Variants in PEMT observed in about 807,000 individuals in gnomAD.
PEMT encodes the protein phospholipid methyltransferase.
PEMT carries 23 observed loss-of-function variants against 27.4 expected under a neutral mutation model. The observed-to-expected ratio is 0.84, with a 90% confidence interval of 0.60 to 1.19. PEMT has a LOEUF of 1.19. Among genes scored for constraint, PEMT ranks in the 50% most tolerant of loss-of-function variants. The pLI, the probability that PEMT is intolerant of heterozygous loss-of-function variation, is 0.00. For synonymous variants in PEMT, 137 were observed against 139.1 expected, an observed-to-expected ratio of 0.98 and a Z score of 0.11; for missense variants, 307 against 310.1, an observed-to-expected ratio of 0.99 and a Z score of 0.07.
At chr17:17,545,580 C>T (rs2142620715) in intron 2 of PEMT, among the ~76,000 whole-genome samples, 1 of 152,378 alleles carries the variant, frequency 6.6e-6, no homozygotes, top group Middle Eastern at 3.4e-3. Context: ...TCAACTCCTA[C>T]ACCAGAGACG....
At chr17:17,515,019 C>A (rs1050991199) in intron 3 of PEMT, among the ~76,000 whole-genome samples, 5 of 152,198 alleles carry the variant, frequency 3.3e-5, no homozygotes, top group African/African-American at 1.2e-4. Context: ...ATGCACTCTG[C>A]CTGCTGTGGA....
chr17:17,537,729 G>C (rs865907155), intron 2 of PEMT, among the ~76,000 whole-genome samples: 1 of 152,256 alleles, frequency 6.6e-6, no homozygotes, highest in African/African-American at 2.4e-5. Context: ...CTGAGACTGG[G>C]AGAGACAGAC....
At chr17:17,570,784 T>A in intron 2 of PEMT, 1 of 985,418 alleles carries the variant, frequency 1.0e-6, no homozygotes, top group Non-Finnish European at 1.2e-6. Flanking sequence ...GTGGGGAGAC[T>A]GGCTGCAAGC....
chr17:17,536,548 A>G (rs910449330), intron 2 of PEMT, among the ~76,000 whole-genome samples: 3 of 152,120 alleles, frequency 2.0e-5, no homozygotes, highest in Non-Finnish European at 4.4e-5. Flanking sequence ...GTTGCTTGTT[A>G]CCTCTATCAA....
rs144055617 is a variant in PEMT at position 17,562,773 on chromosome 17, C to T, written c.204+14147G>A. Among the ~76,000 whole-genome samples, 411 of 152,176 alleles carry T rather than the reference C, an allele frequency of 2.7e-3. 1 individual carries two copies. Among genetic ancestry groups the T allele is most frequent in the Non-Finnish European group, 3.5e-3 (239 of 67,992 alleles). ...GCAGTGAGTGGAGATCGCACCACTG[C>T]ACTCCAGCCTGGGTGACAGAGCAAG... On this transcript the variant is annotated intron_variant, in intron 2 of 6. Transcript: ENST00000255389.
chr17:17,550,343 C>T (rs982763053), intron 2 of PEMT, among the ~76,000 whole-genome samples: 1 of 152,200 alleles, frequency 6.6e-6, no homozygotes, highest in Non-Finnish European at 1.5e-5. Flanking sequence ...CCGATTAGGT[C>T]GAATTTGAAA....
At chr17:17,507,570 G>A (rs1905976794) in intron 5 of PEMT, 1 of 259,604 alleles carries the variant, frequency 3.9e-6, no homozygotes, top group Non-Finnish European at 7.5e-6. Context: ...CCCCACTGTG[G>A]GCGCCGAGGG....
intron 2 of PEMT, among the ~76,000 whole-genome samples, chr17:17,531,757 C>A (rs11078388): frequency 2.6e-4 from 40 of 150,994 alleles, no homozygotes; most frequent in Admixed American, 1.8e-3. Context: ...ATATATAAAG[C>A]CTTCTAAAAC....
intron 3 of PEMT, among the ~76,000 whole-genome samples, chr17:17,514,342 G>C (rs904578522): frequency 2.0e-5 from 3 of 152,256 alleles, no homozygotes; most frequent in African/African-American, 7.2e-5. Context: ...ACTTGGCCCA[G>C]GCCACAGAAT....
intron 2 of PEMT, among the ~76,000 whole-genome samples, chr17:17,547,994 G>A (rs906927092): frequency 3.3e-5 from 5 of 152,200 alleles, no homozygotes; most frequent in Non-Finnish European, 4.4e-5. Context: ...GAGCCAGTGC[G>A]CAGGCCACCC....
At chr17:17,527,568 G>C (rs767962871) in intron 2 of PEMT, among the ~76,000 whole-genome samples, 1 of 141,032 alleles carries the variant, frequency 7.1e-6, no homozygotes, top group Non-Finnish European at 1.5e-5. Context: ...TAATACTCTC[G>C]ACTGCGTCAC....
intron 3 of PEMT, among the ~76,000 whole-genome samples, chr17:17,514,118 T>C (rs1318329089): frequency 6.6e-6 from 1 of 152,210 alleles, no homozygotes. Flanking sequence ...CCATGAAGTA[T>C]CTTTGTTTGC....
At chr17:17,572,036 T>G (rs897450) in intron 2 of PEMT, among the ~76,000 whole-genome samples, 66,493 of 152,030 alleles carry the variant, frequency 0.44, 15,308 homozygotes, top group Non-Finnish European at 0.52. Flanking sequence ...CATCCGTGTC[T>G]GACACAGGCA....
chr17:17,590,182 G>C (rs1357750154), intron 1 of PEMT, among the ~76,000 whole-genome samples: 1 of 152,166 alleles, frequency 6.6e-6, no homozygotes, highest in Non-Finnish European at 1.5e-5. Flanking sequence ...GGAGCTGTAG[G>C]GGTAGGACCC....
intron 2 of PEMT, among the ~76,000 whole-genome samples, chr17:17,544,306 G>A (rs139532152): frequency 0.01 from 1,563 of 150,268 alleles, 21 homozygotes; most frequent in African/African-American, 0.036. Context: ...TTTAGACGGA[G>A]TTTTGCTCTT....
intron 2 of PEMT, among the ~76,000 whole-genome samples, chr17:17,560,398 A>G (rs1910390508): frequency 6.6e-6 from 1 of 152,206 alleles, no homozygotes; most frequent in Non-Finnish European, 1.5e-5. Flanking sequence ...ACATGGTCTC[A>G]TTTCATCACC....
At chr17:17,576,419 G>T (rs1597958608) in intron 2 of PEMT, among the ~76,000 whole-genome samples, 1 of 152,194 alleles carries the variant, frequency 6.6e-6, no homozygotes, top group Non-Finnish European at 1.5e-5. Context: ...CACCCAGCTC[G>T]CCTAGGTCCG....
At chr17:17,514,873 G>T (rs963026456) in intron 3 of PEMT, among the ~76,000 whole-genome samples, 1 of 152,244 alleles carries the variant, frequency 6.6e-6, no homozygotes. Context: ...GTGGGGACCA[G>T]AAAACAGACA....
chr17:17,509,630 G>T, intron 4 of PEMT, 85 bp from the exon 5 acceptor site: 1 of 918,722 alleles, frequency 1.1e-6, no homozygotes, highest in Non-Finnish European at 1.8e-6. Context: ...AGCGGGCTGT[G>T]GCGAGACCTG....
Sources: allele counts gnomAD v4.1 joint callset (sites outside exome capture counted in the v4.1 genomes callset), GRCh38; gene constraint gnomAD v4.1.1; transcripts MANE v1.5; gene names NCBI Gene and HGNC (gene_info 2026-07-23, HGNC 2026-07-21).